Variants in SMG1 observed in about 807,000 individuals in gnomAD.
SMG1 encodes SMG1 nonsense mediated mRNA decay associated PI3K related kinase.
A neutral mutation model predicts 419.9 loss-of-function variants in SMG1; 22 were observed. That is an observed-to-expected ratio of 0.05 (90% CI 0.04 to 0.07). SMG1 has a LOEUF of 0.07. Among genes scored for constraint, SMG1 ranks in the 10% least tolerant of loss-of-function variants. The probability of loss-of-function intolerance (pLI) is 1.00; values close to 1 mark genes in which losing one functional copy is unlikely to be tolerated. For missense variants in SMG1, 3,185 were observed against 4,342.0 expected (o/e 0.73, Z 7.49); for synonymous variants, 1,538 against 1,553.5 (o/e 0.99, Z 0.23).
At chr16:18,904,178 C>G (rs2037464018) in intron 1 of SMG1, among the ~76,000 whole-genome samples, 1 of 150,480 alleles carries the variant, frequency 6.6e-6, no homozygotes, top group Non-Finnish European at 1.5e-5. Context: ...ATCTCGTGAT[C>G]CACCCACCTT....
At chr16:18,811,891 T>A (rs552909710) in intron 61 of SMG1, 24 bp from the exon 62 acceptor site, 1 of 1,613,378 alleles carries the variant, frequency 6.2e-7, no homozygotes, top group African/African-American at 1.3e-5. Context: ...AAAACATACG[T>A]AAGTCAAACC....
At chr16:18,815,134 T>G (rs937604008) in intron 60 of SMG1, 41 bp downstream of exon 60, 1 of 1,244,882 alleles carries the variant, frequency 8.0e-7, no homozygotes, top group African/African-American at 1.5e-5. Context: ...CATCTATGTG[T>G]AACATTAACA....
chr16:18,812,102 C>A lies in SMG1; in HGVS notation c.10647G>T (p.Lys3549Asn). 1.2e-6 allele frequency: 2 copies of A among 1,613,384 alleles called. No homozygotes were observed. The highest frequency in any genetic ancestry group is 1.7e-6 in the Non-Finnish European group (2 of 1,179,558). The stretch of plus-strand genomic sequence containing the variant: ...TCTGTGACATGACATCAGGCTGAGT[C>A]TTCTGGCCAGTGTTACTCCGGACTG... The part of the protein sequence containing the change: ...AAAVRSNTGQ[K>N]TQPDVMSQNA... The change falls in exon 61 of 63, where the codon AAG becomes AAT. Residue 3549 changes from lysine to asparagine, a missense_variant. Lys to Asn is a moderately conservative substitution (Grantham distance 94, BLOSUM62 0). Transcript: ENST00000446231.
intron 45 of SMG1, among the ~76,000 whole-genome samples, 169 bp downstream of exon 45, chr16:18,837,845 T>C (rs2033677094): frequency 6.6e-6 from 1 of 152,192 alleles, no homozygotes; most frequent in South Asian, 2.1e-4. Context: ...TGTGGAAGAA[T>C]TACCTAATAA....
chr16:18,843,742 C>T (rs12931397), intron 39 of SMG1, among the ~76,000 whole-genome samples: 1 of 152,076 alleles, frequency 6.6e-6, no homozygotes, highest in South Asian at 2.1e-4. Context: ...CAAAAACAGG[C>T]GGAAACTAAA....
chr16:18,864,705 G>A (rs1340916666), intron 23 of SMG1, among the ~76,000 whole-genome samples: 1 of 151,968 alleles, frequency 6.6e-6, no homozygotes, highest in Non-Finnish European at 1.5e-5. Context: ...TCAAACTCCT[G>A]GACTCAAGCA....
intron 38 of SMG1, among the ~76,000 whole-genome samples, chr16:18,846,118 ATT>A (rs1222443186): frequency 1.3e-5 from 2 of 152,022 alleles, no homozygotes; most frequent in African/African-American, 4.8e-5. Context: ...CCAGCCAAGA[ATT>A]TTTTGTTTTT....
chr16:18,866,256 A>AT (rs1272552995), intron 23 of SMG1: 3 of 269,776 alleles, frequency 1.1e-5, no homozygotes, highest in East Asian at 1.0e-4. Flanking sequence ...GGAGGAAGCA[A>AT]TGAGTCTGAA....
chr16:18,902,215 G>T (rs1322280323), intron 1 of SMG1, among the ~76,000 whole-genome samples: 1 of 152,116 alleles, frequency 6.6e-6, no homozygotes, highest in East Asian at 1.9e-4. Context: ...CACCAGGAAG[G>T]TATCATTTTT....
chr16:18,865,126 G>A (rs2036252741), intron 23 of SMG1, among the ~76,000 whole-genome samples: 1 of 152,102 alleles, frequency 6.6e-6, no homozygotes, highest in South Asian at 2.1e-4. Flanking sequence ...AAATTGGATA[G>A]CATCAACAAT....
chr16:18,907,223 A>G (rs534405550), intron 1 of SMG1, among the ~76,000 whole-genome samples: 2 of 152,036 alleles, frequency 1.3e-5, no homozygotes, highest in Non-Finnish European at 2.9e-5. Context: ...CGGAGGTTGC[A>G]GTGAGCCGAG....
chr16:18,887,179 A>G (rs1435975617), intron 6 of SMG1, among the ~76,000 whole-genome samples: 2 of 152,206 alleles, frequency 1.3e-5, no homozygotes, highest in Non-Finnish European at 2.9e-5. Context: ...TTTATTTAAT[A>G]CTGGTGCATC....
At chr16:18,912,770 ATT>A (rs1461697167) in intron 1 of SMG1, among the ~76,000 whole-genome samples, 1 of 152,166 alleles carries the variant, frequency 6.6e-6, no homozygotes, top group Non-Finnish European at 1.5e-5. Context: ...AGAATTAATC[ATT>A]TTTAATAGAA....
intron 25 of SMG1, among the ~76,000 whole-genome samples, chr16:18,862,772 T>C (rs1337528753): frequency 1.3e-5 from 2 of 152,194 alleles, no homozygotes; most frequent in East Asian, 3.9e-4. Flanking sequence ...AGTTCTTTTC[T>C]CAGTTCCCAG....
chr16:18,916,503 G>A (rs1421593365), intron 1 of SMG1, among the ~76,000 whole-genome samples: 24 of 108,196 alleles, frequency 2.2e-4, no homozygotes, highest in African/African-American at 7.7e-4. Context: ...GCGACGGTGA[G>A]ACTCCATCTC....
At chr16:18,897,730 CTCA>C (rs1346189059) in intron 1 of SMG1, among the ~76,000 whole-genome samples, 2 of 152,006 alleles carry the variant, frequency 1.3e-5, no homozygotes, top group African/African-American at 4.8e-5. Context: ...CTTCAACTAC[CTCA>C]TAAGTAAAAC....
rs12448649 is a variant in SMG1 at position 18,828,174 on chromosome 16, G to C, written c.9604-6C>G. On this transcript the variant is annotated splice_polypyrimidine_tract_variant and splice_region_variant and intron_variant, in intron 54 of 62. Transcript: ENST00000446231. The stretch of plus-strand genomic sequence containing the variant: ...AGTAGATCTTCATGTTGCCACTGTT[G>C]AGAGAAAAAGAAATGTATTAAAATC... The C allele has an allele frequency of 0.36, 579,983 of 1,608,540 alleles. 108,683 individuals carry two copies. The highest frequency in any genetic ancestry group is 0.39 in the Non-Finnish European group (456,478 of 1,176,184).
At chr16:18,867,219 C>T (rs966155811) in intron 22 of SMG1, among the ~76,000 whole-genome samples, 1 of 152,122 alleles carries the variant, frequency 6.6e-6, no homozygotes, top group Admixed American at 6.5e-5. Flanking sequence ...ATTACTCAAG[C>T]ATTTGTCATA....
Position 18,834,937 on chromosome 16 carries a change from A to G in SMG1, c.8285T>C (p.Leu2762Ser), listed in dbSNP as rs1479045617. ...FLHENGEEGS[L>S]SLASVIISAL... ...AGAAATAATAACACTTGCTAGACTC[A>G]AAGATCCTTCTTCTCCATTCTCATG... Residue 2762 changes from leucine to serine, a missense_variant, in exon 49 of 63, where the codon TTG becomes TCG. Transcript: ENST00000446231. The G allele has an allele frequency of 6.2e-7, 1 of 1,613,912 alleles. No individual in the cohort carries two copies. Among genetic ancestry groups the G allele is most frequent in the Admixed American group, 1.7e-5 (1 of 60,006 alleles).
Sources: allele counts gnomAD v4.1 joint callset (sites outside exome capture counted in the v4.1 genomes callset), GRCh38; gene constraint gnomAD v4.1.1; transcripts MANE v1.5; gene names NCBI Gene and HGNC (gene_info 2026-07-23, HGNC 2026-07-21).